The following STX18 variants were observed in gnomAD, a reference collection of about 807,000 sequenced individuals.
STX18 encodes syntaxin-18.
A neutral mutation model predicts 50.1 loss-of-function variants in STX18; 40 were observed. The ratio of observed to expected loss-of-function variants is 0.80; its 90% CI spans 0.62 to 1.04. The LOEUF is 1.04. Among genes scored for constraint, STX18 ranks in the 50% least tolerant of loss-of-function variants. STX18 has a pLI of 0.00. For synonymous variants in STX18, 158 were observed against 151.8 expected, an observed-to-expected ratio of 1.04 and a Z score of -0.30; for missense variants, 410 against 415.8, an observed-to-expected ratio of 0.99 and a Z score of 0.12.
chr4:4,535,950 G>C (rs58344076), intron 1 of STX18, among the ~76,000 whole-genome samples: 8 of 152,182 alleles, frequency 5.3e-5, no homozygotes, highest in Non-Finnish European at 5.9e-5. Flanking sequence ...GGCACAGAAA[G>C]TCAACACTGC....
chr4:4,470,306 C>T (rs1727847532), intron 2 of STX18, among the ~76,000 whole-genome samples: 1 of 152,120 alleles, frequency 6.6e-6, no homozygotes, highest in Non-Finnish European at 1.5e-5. Flanking sequence ...CGCAATACTC[C>T]TCTTCCTAGT....
intron 1 of STX18, chr4:4,478,566 T>C (rs1728309347): frequency 6.6e-6 from 1 of 152,182 alleles, no homozygotes; most frequent in Admixed American, 6.5e-5. Flanking sequence ...AAAGACTCTG[T>C]GGGGGGCCTG....
chr4:4,480,150 T>C (rs1728388146), intron 1 of STX18, among the ~76,000 whole-genome samples: 1 of 152,226 alleles, frequency 6.6e-6, no homozygotes, highest in Non-Finnish European at 1.5e-5. Flanking sequence ...GGTGGTAAGA[T>C]TTGGAGACTG....
At chr4:4,421,614 C>T (rs1249054444) in intron 9 of STX18, among the ~76,000 whole-genome samples, 1 of 152,146 alleles carries the variant, frequency 6.6e-6, no homozygotes, top group Non-Finnish European at 1.5e-5. Context: ...CTGCGCCACT[C>T]GCCGGTGACG....
chr4:4,524,117 G>A (rs1008923106), intron 1 of STX18, among the ~76,000 whole-genome samples: 2 of 152,188 alleles, frequency 1.3e-5, no homozygotes, highest in African/African-American at 4.8e-5. Flanking sequence ...ACCTAACCTA[G>A]TTGTATGCCT....
At chr4:4,461,537 G>C (rs893898393) in intron 2 of STX18, among the ~76,000 whole-genome samples, 10 of 152,190 alleles carry the variant, frequency 6.6e-5, no homozygotes, top group African/African-American at 2.4e-4. Flanking sequence ...TCATAGGTCT[G>C]AAGGCAGTAT....
At chr4:4,483,329 C>T (rs984482423) in intron 1 of STX18, among the ~76,000 whole-genome samples, 1 of 152,080 alleles carries the variant, frequency 6.6e-6, no homozygotes, top group African/African-American at 2.4e-5. Context: ...AGTTGAGTGG[C>T]ACCTTATAAT....
intron 1 of STX18, among the ~76,000 whole-genome samples, chr4:4,511,713 A>T (rs905310129): frequency 2.2e-5 from 3 of 137,416 alleles, no homozygotes; most frequent in South Asian, 2.5e-4. Context: ...ACTCATGATT[A>T]GTGTGTGTGT....
Position 4,507,269 on chromosome 4 carries a change from T to C in STX18, c.168+34528A>G, listed in dbSNP as rs1729758818. 7 of 703,048 alleles carry C rather than the reference T, an allele frequency of 1.0e-5. 1 individual carries two copies. Among genetic ancestry groups the C allele is most frequent in the Middle Eastern group, 4.1e-4 (1 of 2,462 alleles). The allele number at this position is 703,048 out of a possible 1,614,324, so 43.6% of individuals were successfully genotyped here. ...ACAGTGTACTATAAAGAGTCCGGCA[T>C]CTCCCAGGCTCTTCTGGAGCTGGAA... On this transcript the variant is annotated intron_variant, in intron 1 of 10. Coordinates refer to ENST00000306200, the MANE Select transcript of STX18 (RefSeq NM_016930.4).
At chr4:4,538,273 A>C (rs927928998) in intron 1 of STX18, among the ~76,000 whole-genome samples, 2 of 152,174 alleles carry the variant, frequency 1.3e-5, no homozygotes, top group Non-Finnish European at 2.9e-5. Flanking sequence ...CCACTAAGAA[A>C]TTAGCACTGG....
intron 3 of STX18, among the ~76,000 whole-genome samples, chr4:4,458,845 T>G (rs1025277914): frequency 3.3e-5 from 5 of 151,702 alleles, no homozygotes; most frequent in Non-Finnish European, 5.9e-5. Context: ...ACGGGTGGAG[T>G]TGGGGTGCAA....
intron 1 of STX18, among the ~76,000 whole-genome samples, chr4:4,531,315 G>C (rs1045587227): frequency 4.6e-5 from 7 of 151,970 alleles, no homozygotes; most frequent in Admixed American, 3.3e-4. Flanking sequence ...TTCACTTCCA[G>C]GTACACAATA....
At chr4:4,478,783 G>C (rs965095196) in intron 1 of STX18, 9 of 152,400 alleles carry the variant, frequency 5.9e-5, no homozygotes, top group African/African-American at 2.2e-4. Context: ...GAAGAGGAGA[G>C]AGCTGTGTTC....
chr4:4,467,625 G>A (rs1727684081), intron 2 of STX18, among the ~76,000 whole-genome samples: 1 of 152,096 alleles, frequency 6.6e-6, no homozygotes, highest in South Asian at 2.1e-4. Context: ...AGGCTTAACA[G>A]CAGTGCCTTC....
At chr4:4,451,129 T>C (rs73086242) in intron 5 of STX18, among the ~76,000 whole-genome samples, 19 of 152,228 alleles carry the variant, frequency 1.2e-4, no homozygotes, top group African/African-American at 4.6e-4. Flanking sequence ...TTATGCCCCA[T>C]GATTTATTTA....
intron 1 of STX18, among the ~76,000 whole-genome samples, chr4:4,506,362 AG>A (rs1729706615): frequency 1.3e-5 from 2 of 152,390 alleles, no homozygotes; most frequent in Middle Eastern, 6.8e-3. Context: ...GTAATAAAGA[AG>A]GAACTATTGA....
chr4:4,473,080 C>A (rs1728002920), intron 1 of STX18, among the ~76,000 whole-genome samples: 1 of 152,188 alleles, frequency 6.6e-6, no homozygotes, highest in African/African-American at 2.4e-5. Context: ...CTCTTCCCAA[C>A]AACCCTGCTG....
At chr4:4,449,782 T>A (rs1381538194) in intron 5 of STX18, among the ~76,000 whole-genome samples, 1 of 152,216 alleles carries the variant, frequency 6.6e-6, no homozygotes, top group Non-Finnish European at 1.5e-5. Flanking sequence ...TTCAATTTAT[T>A]CATTTATTTA....
rs371450303 is a variant in STX18 at position 4,508,614 on chromosome 4, A to T, written c.168+33183T>A. ...GATGTGCAGGTTTGTTACATAGGTA[A>T]ACATGTGCCGTGGTGGTTTGCTGCA... On this transcript the variant is annotated intron_variant, in intron 1 of 10. Coordinates refer to ENST00000306200, the MANE Select transcript of STX18 (RefSeq NM_016930.4). Among the ~76,000 whole-genome samples the T allele has an allele frequency of 1.2e-4, 19 of 152,238 alleles. 1 individual carries two copies. In the South Asian group the frequency reaches 3.9e-3, roughly 32 times the overall value.
Sources: gnomAD v4.1 joint callset for allele counts (sites outside exome capture counted in the v4.1 genomes callset) on GRCh38, gnomAD v4.1.1 for gene constraint, MANE v1.5 for transcripts, NCBI Gene and HGNC (gene_info 2026-07-23, HGNC 2026-07-21) for gene names.